Variants in TPP2 observed in about 807,000 individuals in gnomAD.
The protein encoded by TPP2 is tripeptidyl peptidase 2.
A neutral mutation model predicts 155.9 loss-of-function variants in TPP2; 34 were observed. The ratio of observed to expected loss-of-function variants is 0.22; its 90% CI spans 0.17 to 0.29. TPP2 has a LOEUF of 0.29. Ranked by LOEUF, TPP2 falls within the 10% of genes least tolerant of loss-of-function variation. The probability of loss-of-function intolerance (pLI) is 1.00; values close to 1 mark genes in which losing one functional copy is unlikely to be tolerated. For missense variants in TPP2, 1,028 were observed against 1,522.3 expected (o/e 0.68, Z 5.40); for synonymous variants, 510 against 529.4 (o/e 0.96, Z 0.50).
intron 3 of TPP2, among the ~76,000 whole-genome samples, chr13:102,614,809 T>C (rs962342743): frequency 6.6e-6 from 1 of 152,242 alleles, no homozygotes; most frequent in South Asian, 2.1e-4. Flanking sequence ...CAGTTTCTGC[T>C]CTAACCATTA....
rs1491464541 is a variant in TPP2 at position 102,637,085 on chromosome 13, ACT to A, written c.1685_1686del (p.Ser562Ter). On this transcript the variant is annotated frameshift_variant, in exon 14 of 30. Transcript: ENST00000376052. LOFTEE classifies it high-confidence loss of function. ...TTTTTGGTCTTTTTCGTGCCAGAAA[ACT>A]CTGAAAAAATATCCCTTCAGCTTCA... 1 of 1,578,166 alleles carries A rather than the reference ACT, an allele frequency of 6.3e-7. No homozygotes were observed. Among genetic ancestry groups the A allele is most frequent in the Non-Finnish European group, 8.6e-7 (1 of 1,169,318 alleles).
chr13:102,632,221 G>A (rs1882064713), intron 10 of TPP2, among the ~76,000 whole-genome samples: 1 of 151,690 alleles, frequency 6.6e-6, no homozygotes, highest in Non-Finnish European at 1.5e-5. Flanking sequence ...GAATTTTAAG[G>A]AAACATTTCT....
intron 6 of TPP2, among the ~76,000 whole-genome samples, chr13:102,623,680 C>A (rs1436674017): frequency 6.6e-5 from 10 of 152,212 alleles, no homozygotes; most frequent in Non-Finnish European, 1.2e-4. Context: ...CTCACTACGG[C>A]ACTCTGTGTG....
At chr13:102,603,820 T>C (rs1054998066) in intron 1 of TPP2, among the ~76,000 whole-genome samples, 22 of 152,156 alleles carry the variant, frequency 1.4e-4, no homozygotes, top group Admixed American at 1.3e-3. Context: ...CAGGTTAGGG[T>C]CACTCAGCCT....
chr13:102,620,346 G>A (rs1881063612), intron 5 of TPP2, among the ~76,000 whole-genome samples: 1 of 152,152 alleles, frequency 6.6e-6, no homozygotes, highest in African/African-American at 2.4e-5. Context: ...TAACATTTTA[G>A]AACATTTTAT....
chr13:102,638,824 TA>T (rs1882562878), intron 15 of TPP2, among the ~76,000 whole-genome samples: 1 of 152,208 alleles, frequency 6.6e-6, no homozygotes, highest in African/African-American at 2.4e-5. Context: ...ACTTCCTGCT[TA>T]AAGTATATCA....
intron 27 of TPP2, among the ~76,000 whole-genome samples, chr13:102,670,907 A>G (rs536463116): frequency 6.6e-6 from 1 of 152,326 alleles, no homozygotes; most frequent in Non-Finnish European, 1.5e-5. Context: ...TTAACTGTGT[A>G]TTCTTTACGA....
intron 2 of TPP2, among the ~76,000 whole-genome samples, chr13:102,611,110 C>G (rs1880281403): frequency 6.6e-6 from 1 of 152,208 alleles, no homozygotes; most frequent in Admixed American, 6.5e-5. Context: ...ATTCCTGAGA[C>G]TTGCCCATGT....
intron 16 of TPP2, 55 bp downstream of exon 16, chr13:102,640,431 T>A: frequency 7.2e-7 from 1 of 1,383,760 alleles, no homozygotes; most frequent in Non-Finnish European, 1.0e-6. Context: ...TTCTAATGAC[T>A]ATAGCTGTAT....
At chr13:102,676,468 G>T in intron 29 of TPP2, 53 bp downstream of exon 29, 1 of 1,588,212 alleles carries the variant, frequency 6.3e-7, no homozygotes, top group South Asian at 1.1e-5. Context: ...ATTGCATAGT[G>T]ACAAGATAAC....
intron 24 of TPP2, among the ~76,000 whole-genome samples, chr13:102,654,445 T>TC (rs1247375232): frequency 6.6e-6 from 1 of 152,238 alleles, no homozygotes; most frequent in Non-Finnish European, 1.5e-5. Flanking sequence ...ATATCTTTTT[T>TC]CCCACTTTTG....
rs1473541156 is a variant in TPP2, at chr13:102,597,004, C to G, written c.-35C>G. 6.2e-7 allele frequency: 1 copy of G among 1,604,268 alleles called. No individual in the cohort carries two copies. The highest frequency in any genetic ancestry group is 8.5e-7 in the Non-Finnish European group (1 of 1,175,988). ...CGCTGCTAGTCCGCGCGCAGCCTGG[C>G]AGTTTGCCGCTTCCTCGTCCTCCAT... On this transcript the variant is annotated 5_prime_UTR_variant, in exon 1 of 30. Coordinates refer to ENST00000376052, the MANE Select transcript of TPP2 (RefSeq NM_001330588.2).
In TPP2 at chr13:102,597,012, C is replaced by T. The variant is rs368983263; in HGVS notation, c.-27C>T. 1.6e-4 allele frequency: 256 copies of T among 1,606,236 alleles called. No individual in the cohort carries two copies. Among genetic ancestry groups the T allele is most frequent in the Non-Finnish European group, 2.1e-4 (243 of 1,176,958 alleles). ...GTCCGCGCGCAGCCTGGCAGTTTGC[C>T]GCTTCCTCGTCCTCCATCCTGCGTC... On this transcript the variant is annotated 5_prime_UTR_variant, in exon 1 of 30. Transcript: ENST00000376052.
intron 10 of TPP2, among the ~76,000 whole-genome samples, chr13:102,630,413 A>G (rs1187875326): frequency 6.6e-6 from 1 of 152,220 alleles, no homozygotes; most frequent in Non-Finnish European, 1.5e-5. Flanking sequence ...TATTCTGAGT[A>G]TAAATTCTTA....
Position 102,644,836 on chromosome 13 carries a change from C to T in TPP2, c.2293-73C>T. ...GTACTTATAAACTTTATATTGGACA[C>T]ATTTATTTTAGGTACAAAATATTGC... is the stretch of plus-strand genomic sequence containing the variant. On this transcript the variant is annotated intron_variant, in intron 18 of 29. Transcript: ENST00000376052. The T allele has an allele frequency of 2.0e-6, 3 of 1,535,670 alleles. No individual in the cohort carries two copies. In the South Asian group the frequency reaches 3.4e-5, roughly 18 times the overall value.
intron 4 of TPP2, 146 bp from the exon 5 acceptor site, chr13:102,618,576 G>A: frequency 1.1e-6 from 1 of 914,870 alleles, no homozygotes; most frequent in Non-Finnish European, 1.6e-6. Flanking sequence ...TGAATGACAA[G>A]TTGCATAGAT....
chr13:102,634,004 T>C lies in TPP2; in HGVS notation c.1299T>C (p.Ser433=), dbSNP rs1882201104. The C allele has an allele frequency of 3.1e-6, 5 of 1,614,148 alleles. No individual in the cohort carries two copies. Among genetic ancestry groups the C allele is most frequent in the Non-Finnish European group, 4.2e-6 (5 of 1,179,978 alleles). Residue 433 remains serine, a synonymous_variant, in exon 11 of 30, where the codon TCT becomes TCC. Coordinates refer to ENST00000376052, the MANE Select transcript of TPP2 (RefSeq NM_001330588.2). ...SISAPGGAIA[S]VPNWTLRGTQ... Reference sequence around the variant, plus strand: ...GTGCGCCAGGAGGAGCCATTGCTTCTGTTCCTAACTGGACACTGAGAGGGA... The same window carrying C: ...GTGCGCCAGGAGGAGCCATTGCTTCCGTTCCTAACTGGACACTGAGAGGGA...
At chr13:102,602,518 T>A (rs1175774488) in intron 1 of TPP2, among the ~76,000 whole-genome samples, 1 of 152,192 alleles carries the variant, frequency 6.6e-6, no homozygotes, top group Non-Finnish European at 1.5e-5. Flanking sequence ...GAGGCCTTTA[T>A]GACCCCTTCA....
At chr13:102,654,511 A>G (rs1275976654) in intron 24 of TPP2, among the ~76,000 whole-genome samples, 3 of 152,058 alleles carry the variant, frequency 2.0e-5, no homozygotes, top group Non-Finnish European at 2.9e-5. Context: ...TAGATTGTTC[A>G]TTTTAAATTC....
Sources: gnomAD v4.1 joint callset for allele counts (sites outside exome capture counted in the v4.1 genomes callset) on GRCh38, gnomAD v4.1.1 for gene constraint, MANE v1.5 for transcripts, NCBI Gene and HGNC (gene_info 2026-07-23, HGNC 2026-07-21) for gene names.